GRM1: variants seen among roughly 807,000 people sequenced by gnomAD.
GRM1 encodes metabotropic glutamate receptor 1.
Under a neutral mutation model 90.9 loss-of-function variants are expected in GRM1, and 33 were observed. The observed-to-expected ratio is 0.36, with a 90% CI of 0.28 to 0.49. The LOEUF is 0.49. Ranked by LOEUF, GRM1 falls within the 20% of genes least tolerant of loss-of-function variation. The probability of loss-of-function intolerance (pLI) is 0.99; values close to 1 mark genes in which losing one functional copy is unlikely to be tolerated. For missense variants in GRM1, 1,190 were observed against 1,534.3 expected, an observed-to-expected ratio of 0.78 and a Z score of 3.75; for synonymous variants, 700 against 613.2, an observed-to-expected ratio of 1.14 and a Z score of -2.09.
intron 3 of GRM1, among the ~76,000 whole-genome samples, chr6:146,336,427 G>A (rs1784773895): frequency 1.3e-5 from 2 of 152,190 alleles, no homozygotes; most frequent in Non-Finnish European, 2.9e-5. Flanking sequence ...CTGAGAGTTA[G>A]CAAGGGGTCC....
chr6:146,207,656 T>C (rs1045614759), intron 2 of GRM1, among the ~76,000 whole-genome samples: 2 of 152,178 alleles, frequency 1.3e-5, no homozygotes, highest in African/African-American at 2.4e-5. Flanking sequence ...GCCATAATAC[T>C]ATCACACACC....
chr6:146,159,305 T>C (rs1173839341), intron 1 of GRM1, 43 bp from the exon 2 acceptor site: 2 of 1,612,840 alleles, frequency 1.2e-6, no homozygotes, highest in Admixed American at 1.7e-5. Flanking sequence ...AGTAGTGTTA[T>C]TGCCACAGTT....
chr6:146,389,672 A>T (rs1017316799), intron 6 of GRM1, among the ~76,000 whole-genome samples: 1 of 152,150 alleles, frequency 6.6e-6, no homozygotes, highest in Non-Finnish European at 1.5e-5. Context: ...AGTCACTTTA[A>T]CATTCAAATG....
chr6:146,075,073 A>G (rs1776139415), intron 1 of GRM1, among the ~76,000 whole-genome samples: 2 of 152,152 alleles, frequency 1.3e-5, no homozygotes, highest in Admixed American at 6.5e-5. Flanking sequence ...TATATCATAA[A>G]CTGGGTTTCT....
intron 2 of GRM1, among the ~76,000 whole-genome samples, chr6:146,260,797 T>G (rs1781661688): frequency 7.0e-6 from 1 of 141,960 alleles, no homozygotes; most frequent in African/African-American, 2.7e-5. Flanking sequence ...TTAATTAGGT[T>G]ATTTGGGTTT....
chr6:146,143,610 T>C (rs561281028), intron 1 of GRM1, among the ~76,000 whole-genome samples: 2 of 152,328 alleles, frequency 1.3e-5, no homozygotes, highest in South Asian at 2.1e-4. Context: ...TTGGCAAAAA[T>C]GAATCTGCAG....
chr6:146,257,896 G>A (rs1005513172), intron 2 of GRM1, among the ~76,000 whole-genome samples: 4 of 151,486 alleles, frequency 2.6e-5, no homozygotes, highest in Admixed American at 6.6e-5. Flanking sequence ...TTTAATCCGA[G>A]CACCTCATGT....
chr6:146,406,290 T>A (rs977584347), intron 7 of GRM1, among the ~76,000 whole-genome samples: 1 of 152,184 alleles, frequency 6.6e-6, no homozygotes, highest in African/African-American at 2.4e-5. Flanking sequence ...CTCACCTGTG[T>A]TGATGTGTAA....
At chr6:146,227,378 A>C (rs1780278565) in intron 2 of GRM1, among the ~76,000 whole-genome samples, 1 of 152,142 alleles carries the variant, frequency 6.6e-6, no homozygotes, top group Non-Finnish European at 1.5e-5. Context: ...GGTATACATA[A>C]TTTACACTAG....
chr6:146,387,185 T>C (rs1276716733), intron 6 of GRM1, among the ~76,000 whole-genome samples, 169 bp downstream of exon 6: 1 of 152,140 alleles, frequency 6.6e-6, no homozygotes, highest in Non-Finnish European at 1.5e-5. Flanking sequence ...TTTTCTATAA[T>C]CTATATTGAA....
At chr6:146,044,046 C>A (rs1039125171) in intron 1 of GRM1, among the ~76,000 whole-genome samples, 7 of 151,756 alleles carry the variant, frequency 4.6e-5, no homozygotes, top group African/African-American at 1.5e-4. Flanking sequence ...AAATTCCTTT[C>A]TTGGCTCAGA....
intron 7 of GRM1, among the ~76,000 whole-genome samples, chr6:146,414,377 T>TTTATTATTATTATTATTATTATTATTA (rs56297907): frequency 2.8e-5 from 4 of 145,344 alleles, no homozygotes; most frequent in African/African-American, 7.6e-5. Flanking sequence ...CCGTTTGCCT[T>TTTATTATTATTATTATTATTATTATTA]TTATTATTAT....
intron 2 of GRM1, among the ~76,000 whole-genome samples, chr6:146,165,216 A>G (rs183635520): frequency 3.9e-5 from 6 of 152,278 alleles, no homozygotes; most frequent in Admixed American, 3.9e-4. Flanking sequence ...CTACAGTTTC[A>G]TTTAAAAGCA....
At chr6:146,076,415 C>T (rs986834993) in intron 1 of GRM1, among the ~76,000 whole-genome samples, 1 of 151,992 alleles carries the variant, frequency 6.6e-6, no homozygotes, top group African/African-American at 2.4e-5. Context: ...CGCAATATTC[C>T]AGTGAAGGAT....
chr6:146,094,478 G>T (rs577480495), intron 1 of GRM1, among the ~76,000 whole-genome samples: 1 of 152,148 alleles, frequency 6.6e-6, no homozygotes, highest in South Asian at 2.1e-4. Flanking sequence ...TATTATCTTT[G>T]CATGACTGCT....
rs142193970 is a variant in GRM1 at position 146,158,016 on chromosome 6, G to A, written c.701-1332G>A. Reference sequence around the variant, plus strand: ...ATTAATGAAATAATTTATTCCTTCTGTAAGAAAATTTACTTACAGGGGTGA... The same window carrying A: ...ATTAATGAAATAATTTATTCCTTCTATAAGAAAATTTACTTACAGGGGTGA... On this transcript the variant is annotated intron_variant, in intron 1 of 7. Transcript: ENST00000282753. 1.3e-3 allele frequency among the ~76,000 whole-genome samples: 204 copies of A among 152,244 alleles called. 1 individual carries two copies. Among genetic ancestry groups the A allele is most frequent in the African/African-American group, 4.7e-3 (196 of 41,538 alleles).
At chr6:146,248,121 T>G (rs1396093199) in intron 2 of GRM1, among the ~76,000 whole-genome samples, 1 of 151,962 alleles carries the variant, frequency 6.6e-6, no homozygotes, top group Non-Finnish European at 1.5e-5. Context: ...CTCCTTTGCT[T>G]CCTCCCTTCC....
intron 3 of GRM1, among the ~76,000 whole-genome samples, chr6:146,347,267 G>T (rs1482679221): frequency 6.6e-6 from 1 of 152,176 alleles, no homozygotes; most frequent in Non-Finnish European, 1.5e-5. Flanking sequence ...GCTGCTGCGT[G>T]CATGCACAGT....
intron 2 of GRM1, among the ~76,000 whole-genome samples, chr6:146,180,599 T>G (rs2114543446): frequency 6.6e-6 from 1 of 152,338 alleles, no homozygotes; most frequent in South Asian, 2.1e-4. Flanking sequence ...AAACCTTTTC[T>G]TCTCTTTGTC....
Sources: allele counts gnomAD v4.1 joint callset (sites outside exome capture counted in the v4.1 genomes callset), GRCh38; gene constraint gnomAD v4.1.1; transcripts MANE v1.5; gene names NCBI Gene and HGNC (gene_info 2026-07-23, HGNC 2026-07-21).